BDH1: variants seen among roughly 807,000 people sequenced by gnomAD.
BDH1 encodes D-beta-hydroxybutyrate dehydrogenase, mitochondrial.
In BDH1, 30 loss-of-function variants were observed where a neutral mutation model predicts 33.1. The ratio of observed to expected loss-of-function variants is 0.91; its 90% CI spans 0.68 to 1.23. BDH1 has a LOEUF of 1.23. Ranked by LOEUF, BDH1 falls within the 50% of genes most tolerant of loss-of-function variation. The pLI, the probability that BDH1 is intolerant of heterozygous loss-of-function variation, is 0.00. For synonymous variants in BDH1, 190 were observed against 183.6 expected (o/e 1.03, Z -0.28); for missense variants, 443 against 464.4 (o/e 0.95, Z 0.42).
chr3:197,519,951 G>A (rs1713347456), intron 6 of BDH1, among the ~76,000 whole-genome samples: 1 of 152,168 alleles, frequency 6.6e-6, no homozygotes, highest in African/African-American at 2.4e-5. Flanking sequence ...GAGCCAGGCT[G>A]CAGGGCGTCA....
rs1346528111 is a variant in BDH1, at chr3:197,533,566, A to C, written c.84-5T>G. ...GAACCAAGCAATAGTGGGCGTCTGC[A>C]AGAGAAAAGGAAGCCGTGAGTACAA... On this transcript the variant is annotated splice_polypyrimidine_tract_variant and splice_region_variant and intron_variant, in intron 3 of 7. Transcript: ENST00000392379. 6.2e-7 allele frequency: 1 copy of C among 1,614,154 alleles called. No homozygotes were observed. Among genetic ancestry groups the C allele is most frequent in the South Asian group, 1.1e-5 (1 of 91,076 alleles).
At chr3:197,533,634 C>T (rs746574800) in intron 3 of BDH1, 73 bp from the exon 4 acceptor site, 1 of 1,448,034 alleles carries the variant, frequency 6.9e-7, no homozygotes, top group East Asian at 2.3e-5. Flanking sequence ...CCTAGAGCAG[C>T]ACTGGGTGTC....
rs1716072805 is a variant in BDH1 at position 197,546,295 on chromosome 3, T to G, written c.83+66A>C. 8.7e-6 allele frequency: 13 copies of G among 1,489,586 alleles called. No homozygotes were observed. In the South Asian group the frequency reaches 1.5e-4, roughly 17 times the overall value. 92.3% of individuals were successfully genotyped at this position (1,489,586 alleles called of 1,614,324 possible). ...GCCTCATCACCGCCTACACTGTCCA[T>G]GTGTGAAAACCTCTGCCTGCTCAGA... is the stretch of plus-strand genomic sequence containing the variant. On this transcript the variant is annotated intron_variant, in intron 3 of 7. Transcript: ENST00000392379.
chr3:197,543,175 G>C (rs763465580), intron 3 of BDH1: 1 of 985,256 alleles, frequency 1.0e-6, no homozygotes, highest in African/African-American at 1.7e-5. Flanking sequence ...CTAACAAGAC[G>C]GGGCTTAGGA....
At chr3:197,560,724 G>C (rs140531593), upstream of BDH1, among the ~76,000 whole-genome samples, 1 of 152,122 alleles carries the variant, frequency 6.6e-6, no homozygotes, top group Non-Finnish European at 1.5e-5. Flanking sequence ...ATATCTTGGG[G>C]CCCCCACATC....
intron 3 of BDH1, among the ~76,000 whole-genome samples, chr3:197,542,249 C>CT (rs1212102981): frequency 6.6e-6 from 1 of 152,230 alleles, no homozygotes; most frequent in Non-Finnish European, 1.5e-5. Flanking sequence ...TGGCCCTAGA[C>CT]TTCTAGGGGT....
In BDH1 at chr3:197,546,823, C is replaced by T. The variant is rs141561924; in HGVS notation, c.-43-337G>A. 2.6e-3 allele frequency among the ~76,000 whole-genome samples: 391 copies of T among 152,316 alleles called. 1 individual carries two copies. Among genetic ancestry groups the T allele is most frequent in the African/African-American group, 7.7e-3 (319 of 41,556 alleles). ...CAAACCCGCCAACCACTGGGAGACTCGGGGACCTAACCCCTCAGGGATTCT... is the reference window on the plus strand; with the variant it reads ...CAAACCCGCCAACCACTGGGAGACTTGGGGACCTAACCCCTCAGGGATTCT... On this transcript the variant is annotated intron_variant, in intron 2 of 7. Transcript: ENST00000392379.
upstream of BDH1, among the ~76,000 whole-genome samples, chr3:197,560,609 T>C (rs1717226323): frequency 6.6e-6 from 1 of 152,218 alleles, no homozygotes; most frequent in African/African-American, 2.4e-5. Flanking sequence ...GAGTGTACCC[T>C]TTCTGTAGAA....
intron 2 of BDH1, among the ~76,000 whole-genome samples, chr3:197,550,308 A>G (rs1200648438): frequency 6.6e-6 from 1 of 152,194 alleles, no homozygotes; most frequent in Non-Finnish European, 1.5e-5. Flanking sequence ...AGGCACACCC[A>G]ATGCAGACAC....
In BDH1 at chr3:197,522,683, T is replaced by C; in HGVS notation, c.366A>G (p.Lys122=). ...LNVCSSEEVE[K]VVEIVRSSLK... Reference sequence around the variant, plus strand: ...GGCTCGAGCGGACAATCTCCACCACTTTCTCCACCTCTTCGCTGCTGCAGA... The same window carrying C: ...GGCTCGAGCGGACAATCTCCACCACCTTCTCCACCTCTTCGCTGCTGCAGA... The change falls in exon 6 of 8, where the codon AAA becomes AAG. Residue 122 remains lysine, a synonymous_variant. Transcript: ENST00000392379. This position sits in a 1 kb window ranked among gnomAD's most constrained non-coding sequence, Gnocchi z 4.8. 1.2e-6 allele frequency: 2 copies of C among 1,614,192 alleles called. No homozygotes were observed. Among genetic ancestry groups the C allele is most frequent in the Non-Finnish European group, 1.7e-6 (2 of 1,180,024 alleles).
rs1323543104 is a variant in BDH1, at chr3:197,554,790, G to A, written c.-195-77C>T. 1 of 152,208 alleles carries A rather than the reference G, an allele frequency of 6.6e-6. No homozygotes were observed. The highest frequency in any genetic ancestry group is 1.5e-5 in the Non-Finnish European group (1 of 68,044). 9.4% of individuals were successfully genotyped at this position (152,208 alleles called of 1,614,324 possible). On this transcript the variant is annotated intron_variant, in intron 1 of 7. Coordinates refer to ENST00000392379, the MANE Select transcript of BDH1 (RefSeq NM_203314.3). The surrounding 1 kb of genome is among the most constrained non-coding windows in gnomAD (Gnocchi z 4.4). ...ACACTTCCCCAGAAGGGCGCAGCCT[G>A]GAGGCGGCCGCGCGCAGGACGCACG...
chr3:197,539,863 C>T (rs532966486), intron 3 of BDH1, among the ~76,000 whole-genome samples: 34 of 152,340 alleles, frequency 2.2e-4, no homozygotes, highest in Admixed American at 2.2e-3. Flanking sequence ...TTTGGAGAGA[C>T]TGATTTGAGT....
At chr3:197,556,034 C>A (rs560660550), upstream of BDH1, 1 of 152,374 alleles carries the variant, frequency 6.6e-6, no homozygotes, top group African/African-American at 2.4e-5. Flanking sequence ...GGGGGGCCGC[C>A]GAGCCGCCTC....
chr3:197,546,384 G>A lies in BDH1; in HGVS notation c.60C>T (p.Ala20=). 6.2e-7 allele frequency: 1 copy of A among 1,614,150 alleles called. No homozygotes were observed. Residue 20 remains alanine, a synonymous_variant, in exon 3 of 8, where the codon GCC becomes GCT. Coordinates refer to ENST00000392379, the MANE Select transcript of BDH1 (RefSeq NM_203314.3). The part of the protein sequence containing the change: ...LSRLPGKTLS[A]CDRENGARRP... ...ACCTTGCTCCATTTTCTCTATCACAGGCACTTAGGGTTTTTCCTGGGAGCC... is the reference window on the plus strand; with the variant it reads ...ACCTTGCTCCATTTTCTCTATCACAAGCACTTAGGGTTTTTCCTGGGAGCC...
At chr3:197,551,373 T>C (rs960772545) in intron 2 of BDH1, among the ~76,000 whole-genome samples, 4 of 152,242 alleles carry the variant, frequency 2.6e-5, no homozygotes, top group African/African-American at 9.6e-5. Context: ...GACCTCCAGT[T>C]CCATCCACGT....
In BDH1 at chr3:197,511,849, C is replaced by T. The variant is rs755632402; in HGVS notation, c.*46G>A. ...TTGACTATATGGGTTCCTCCCTCCC[C>T]TCCCCTTCCACCAGGGATCCCTGAC... On this transcript the variant is annotated 3_prime_UTR_variant, in exon 8 of 8. Transcript: ENST00000392379. The T allele has an allele frequency of 6.6e-7, 1 of 1,508,282 alleles. No homozygotes were observed. Among genetic ancestry groups the T allele is most frequent in the African/African-American group, 1.4e-5 (1 of 71,644 alleles). The allele number at this position is 1,508,282 out of a possible 1,614,324, so 93.4% of individuals were successfully genotyped here.
At chr3:197,557,362 G>C (rs543080016), upstream of BDH1, among the ~76,000 whole-genome samples, 1 of 152,218 alleles carries the variant, frequency 6.6e-6, no homozygotes, top group Non-Finnish European at 1.5e-5. The surrounding 1 kb of genome is among the most constrained non-coding windows in gnomAD (Gnocchi z 4.6). Flanking sequence ...TACAGAGAAG[G>C]AATGAATAGA....
Position 197,514,312 on chromosome 3 carries a change from T to C in BDH1, c.514A>G (p.Thr172Ala). ...KQVAEVNLWG[T>A]VRMTKSFLPL... is the part of the protein sequence containing the mutation. ...AGAAAGGATTTCGTCATCCGCACTG[T>C]GCCCCAAAGGTTCACTTCTGCCACC... The change falls in exon 7 of 8, where the codon ACA (threonine) becomes GCA (alanine). Residue 172 changes from threonine to alanine, a missense_variant. By Grantham distance (58) the Thr-to-Ala change is moderately conservative (BLOSUM62 0). Transcript: ENST00000392379. This position sits in a 1 kb window ranked among gnomAD's most constrained non-coding sequence, Gnocchi z 4.2. 1 of 1,614,038 alleles carries C rather than the reference T, an allele frequency of 6.2e-7. No individual in the cohort carries two copies. The highest frequency in any genetic ancestry group is 1.1e-5 in the South Asian group (1 of 91,068).
chr3:197,552,747 G>A (rs1449079389), intron 2 of BDH1, among the ~76,000 whole-genome samples: 1 of 151,388 alleles, frequency 6.6e-6, no homozygotes. Context: ...CCTCCTCCTT[G>A]GCACTTTATT....
Sources: allele counts gnomAD v4.1 joint callset (sites outside exome capture counted in the v4.1 genomes callset), GRCh38; gene constraint gnomAD v4.1.1; non-coding constraint Gnocchi (gnomAD v3.1); transcripts MANE v1.5; gene names NCBI Gene and HGNC (gene_info 2026-07-23, HGNC 2026-07-21).